Variants in PSG2 observed in about 807,000 individuals in gnomAD.
PSG2 encodes pregnancy-specific beta-1-glycoprotein 2.
Under a neutral mutation model 36.2 loss-of-function variants are expected in PSG2, and 49 were observed. The ratio of observed to expected loss-of-function variants is 1.35; its 90% confidence interval spans 1.08 to 1.72. The LOEUF (loss-of-function observed/expected upper bound fraction) is 1.72, where lower values mean the gene tolerates loss of function less well. Ranked by LOEUF, PSG2 falls within the 40% of genes most tolerant of loss-of-function variation. The pLI is 0.00. For missense variants in PSG2, 605 were observed against 407.2 expected (o/e 1.49, Z -4.18); for synonymous variants, 261 against 155.6 (o/e 1.68, Z -5.04).
At position 43,075,510 on chromosome 19, in the gene PSG2, G is replaced by A. The variant is rs1159925565; in HGVS notation, c.553C>T (p.Gln185Ter). The A allele has an allele frequency of 6.2e-7, 1 of 1,613,260 alleles. No individual in the cohort carries two copies. Among genetic ancestry groups the A allele is most frequent in the Admixed American group, 1.7e-5 (1 of 59,964 alleles). The change falls in exon 3 of 6, where the codon CAG becomes TAG. Residue 185 changes from glutamine to a stop codon, truncating the protein, a stop_gained. Transcript: ENST00000406487. LOFTEE classifies it high-confidence loss of function. ...AACCTATGAGTCATAGGGAGGCTCT[G>A]ACCATTCATCCACCACTGGTAGCTT... ...DTSYQWWMNG[Q>*]SLPMTHRFQL...
chr19:43,081,286 T>G, intron 1 of PSG2, 40 bp from the exon 2 acceptor site: 1 of 1,583,430 alleles, frequency 6.3e-7, no homozygotes, highest in Non-Finnish European at 8.6e-7. Flanking sequence ...TTGAGACCTA[T>G]GTATTGGGGT....
rs749418035 is a variant in PSG2, at chr19:43,082,614, G to A, written c.-45C>T. On this transcript the variant is annotated 5_prime_UTR_variant, in exon 1 of 6. Coordinates refer to ENST00000406487, the MANE Select transcript of PSG2 (RefSeq NM_031246.4). ...TTCTCCTCTGTGGAGATGAGCCTAGGATCCAGAAACTTCCTGAGCACGGCT... is the reference window on the plus strand; with the variant it reads ...TTCTCCTCTGTGGAGATGAGCCTAGAATCCAGAAACTTCCTGAGCACGGCT... 5 of 1,604,416 alleles carry A rather than the reference G, an allele frequency of 3.1e-6. No individual in the cohort carries two copies. Among genetic ancestry groups the A allele is most frequent in the African/African-American group, 2.7e-5 (2 of 73,854 alleles).
At chr19:43,071,092 AGGCTT>A (rs1967808884) in intron 4 of PSG2, among the ~76,000 whole-genome samples, 1 of 151,130 alleles carries the variant, frequency 6.6e-6, no homozygotes, top group Non-Finnish European at 1.5e-5. Flanking sequence ...GGCCCGGGGG[AGGCTT>A]GGCTTCAACT....
At chr19:43,075,764 T>C in intron 2 of PSG2, 132 bp from the exon 3 acceptor site, 2 of 1,493,314 alleles carry the variant, frequency 1.3e-6, no homozygotes, top group South Asian at 1.4e-5. Flanking sequence ...CAGGTGTGTG[T>C]GTTACAAGAC....
At chr19:43,082,138 T>C (rs1967988743) in intron 1 of PSG2, 1 of 117,776 alleles carries the variant, frequency 8.5e-6, no homozygotes, top group Non-Finnish European at 1.7e-5. Context: ...TTTTTTTTTT[T>C]TTTTTTTTTT....
rs1052220360 is a variant in PSG2, at chr19:43,082,691, C to G, written c.-122G>C. On this transcript the variant is annotated 5_prime_UTR_variant, in exon 1 of 6. Transcript: ENST00000406487. ...TGCACTGAGCCTCTTCCTGGGGCAG[C>G]AGCAATTCCCAGGCTCATGGGTGGG... The G allele has an allele frequency of 6.9e-6, 10 of 1,454,662 alleles. No individual in the cohort carries two copies. The African/African-American group carries it at 1.4e-4, about 21-fold the overall frequency. The allele number at this position is 1,454,662 out of a possible 1,614,324, so 90.1% of individuals were successfully genotyped here.
chr19:43,082,464 T>G, intron 1 of PSG2, 42 bp downstream of exon 1: 1 of 1,599,880 alleles, frequency 6.3e-7, no homozygotes, highest in Non-Finnish European at 8.6e-7. Flanking sequence ...CCAGTCACTC[T>G]TCTTCCTCCT....
intron 2 of PSG2, among the ~76,000 whole-genome samples, chr19:43,076,196 C>T (rs987219839): frequency 5.3e-5 from 8 of 151,666 alleles, no homozygotes; most frequent in African/African-American, 1.9e-4. Context: ...GTTCAGTCAT[C>T]AGGCAGTGGA....
intron 4 of PSG2, among the ~76,000 whole-genome samples, chr19:43,067,743 A>G (rs957336078): frequency 6.6e-6 from 1 of 151,406 alleles, no homozygotes; most frequent in African/African-American, 2.4e-5. Context: ...TGTGTGTGGC[A>G]TCTTGTTTCA....
intron 2 of PSG2, among the ~76,000 whole-genome samples, chr19:43,077,746 C>T (rs1255182503): frequency 6.6e-6 from 1 of 151,786 alleles, no homozygotes; most frequent in Non-Finnish European, 1.5e-5. Context: ...TTAAAAATTG[C>T]TACTGTCAAA....
chr19:43,073,996 C>G (rs1431835359), intron 3 of PSG2, among the ~76,000 whole-genome samples: 4 of 151,182 alleles, frequency 2.6e-5, no homozygotes, highest in Non-Finnish European at 5.9e-5. Flanking sequence ...CCTTTTTTTT[C>G]TCTCACCACG....
chr19:43,075,757 G>T (rs1967886874), intron 2 of PSG2, 125 bp from the exon 3 acceptor site: 3 of 1,498,698 alleles, frequency 2.0e-6, no homozygotes, highest in Non-Finnish European at 1.8e-6. Flanking sequence ...CCCATGGCAG[G>T]TGTGTGTGTT....
chr19:43,070,549 A>G (rs1039947255), intron 4 of PSG2, among the ~76,000 whole-genome samples: 4 of 151,734 alleles, frequency 2.6e-5, no homozygotes, highest in Non-Finnish European at 2.9e-5. Flanking sequence ...ATCGTGCAAA[A>G]TGGATGAACC....
intron 2 of PSG2, among the ~76,000 whole-genome samples, chr19:43,078,233 A>G (rs2122914436): frequency 6.6e-6 from 1 of 151,852 alleles, no homozygotes; most frequent in Non-Finnish European, 1.5e-5. Flanking sequence ...CAAGAATGAT[A>G]ATAGTTCCTC....
chr19:43,082,209 C>T lies in PSG2; in HGVS notation c.64+297G>A, dbSNP rs373067923. 148 of 280,010 alleles carry T rather than the reference C, an allele frequency of 5.3e-4. 1 individual carries two copies. The highest frequency in any genetic ancestry group is 4.4e-3 in the South Asian group (131 of 29,744). The allele number at this position is 280,010 out of a possible 1,614,324, so 17.3% of individuals were successfully genotyped here. On this transcript the variant is annotated intron_variant, in intron 1 of 5. Transcript: ENST00000406487. ...AGGCTGGTATGCAGTGGCGCTATCTCGGCACGCTGCAACTTCTGCCTCCTG... is the reference window on the plus strand; with the variant it reads ...AGGCTGGTATGCAGTGGCGCTATCTTGGCACGCTGCAACTTCTGCCTCCTG...
chr19:43,073,909 A>G (rs1967854497), intron 3 of PSG2, among the ~76,000 whole-genome samples: 1 of 151,752 alleles, frequency 6.6e-6, no homozygotes, highest in African/African-American at 2.4e-5. Context: ...AAAATCTAAA[A>G]TGCTCCAGTG....
rs574469627 is a variant in PSG2 at position 43,068,974 on chromosome 19, G to A, written c.965-2374C>T. Among the ~76,000 whole-genome samples, 3 of 151,652 alleles carry A rather than the reference G, an allele frequency of 2.0e-5. No individual in the cohort carries two copies. The South Asian group carries it at 6.2e-4, about 31-fold the overall frequency. ...CTTATATGTAGAAAATCCTAAAGGT[G>A]GAACAAACCTATTAGAATTAATAAA... On this transcript the variant is annotated intron_variant, in intron 4 of 5. Transcript: ENST00000406487.
At chr19:43,079,709 G>T (rs1171033588) in intron 2 of PSG2, among the ~76,000 whole-genome samples, 2 of 151,692 alleles carry the variant, frequency 1.3e-5, no homozygotes, top group African/African-American at 4.9e-5. Context: ...TCTGACAGTT[G>T]AGGCAGGTGA....
intron 5 of PSG2, among the ~76,000 whole-genome samples, chr19:43,066,071 C>T (rs955611093): frequency 1.1e-4 from 16 of 151,668 alleles, no homozygotes; most frequent in African/African-American, 3.4e-4. Flanking sequence ...CTAGAGTAGA[C>T]CCCTGCAGAT....
Sources: allele counts gnomAD v4.1 joint callset (sites outside exome capture counted in the v4.1 genomes callset), GRCh38; gene constraint gnomAD v4.1.1; transcripts MANE v1.5; gene names NCBI Gene and HGNC (gene_info 2026-07-23, HGNC 2026-07-21).